The following BID variants were observed in gnomAD, a reference collection of about 807,000 sequenced individuals.
BID encodes BH3-interacting domain death agonist.
A neutral mutation model predicts 17.4 loss-of-function variants in BID; 19 were observed. The observed-to-expected ratio is 1.09, with a 90% confidence interval of 0.76 to 1.60. BID has a LOEUF of 1.60. Ranked by LOEUF, BID falls within the 40% of genes most tolerant of loss-of-function variation. The pLI, the probability that BID is intolerant of heterozygous loss-of-function variation, is 0.00. For synonymous variants in BID, 108 were observed against 102.8 expected (o/e 1.05, Z -0.31); for missense variants, 226 against 256.0 (o/e 0.88, Z 0.80).
At chr22:17,749,470 T>G (rs916946437) in intron 2 of BID, among the ~76,000 whole-genome samples, 1 of 152,226 alleles carries the variant, frequency 6.6e-6, no homozygotes, top group Non-Finnish European at 1.5e-5. Context: ...CTAAGCCACC[T>G]CGCCCAGCTA....
intron 1 of BID, among the ~76,000 whole-genome samples, chr22:17,760,919 C>A (rs982091796): frequency 6.6e-6 from 1 of 152,114 alleles, no homozygotes; most frequent in Non-Finnish European, 1.5e-5. Context: ...TGAAAATATC[C>A]TACACAGAGC....
intron 1 of BID, among the ~76,000 whole-genome samples, chr22:17,764,776 T>C (rs2061666586): frequency 6.6e-6 from 1 of 152,066 alleles, no homozygotes; most frequent in South Asian, 2.1e-4. Flanking sequence ...TCAAAACCAT[T>C]GAGGGTTGCT....
At chr22:17,755,313 G>A (rs1601860106) in intron 1 of BID, among the ~76,000 whole-genome samples, 1 of 152,092 alleles carries the variant, frequency 6.6e-6, no homozygotes, top group African/African-American at 2.4e-5. Flanking sequence ...AGCATGCTCC[G>A]TGCAGTGCCA....
rs928849703 is a variant in BID at position 17,734,775 on chromosome 22, C to T, written c.*805G>A. The T allele has an allele frequency of 3.3e-5, 5 of 152,182 alleles. No individual in the cohort carries two copies. Among genetic ancestry groups the T allele is most frequent in the Non-Finnish European group, 7.3e-5 (5 of 68,042 alleles). The allele number at this position is 152,182 out of a possible 1,614,324, so 9.4% of individuals were successfully genotyped here. A position where few individuals can be genotyped will look rare whatever the true frequency, so the allele number is the denominator to read the frequency against. ...GGGCATCGCAGTAGCTTCTGGCACC[C>T]GTGGCTTCATGTCTTTAGCAAAGTC... On this transcript the variant is annotated 3_prime_UTR_variant, in exon 6 of 6. Transcript: ENST00000622694.
At chr22:17,739,916 TGA>T in intron 3 of BID, 1 of 737,662 alleles carries the variant, frequency 1.4e-6, no homozygotes, top group Non-Finnish European at 2.2e-6. Context: ...CTCTCAAGCC[TGA>T]GAGCCCCCAT....
At chr22:17,764,480 A>C (rs1303314995) in intron 1 of BID, among the ~76,000 whole-genome samples, 1 of 152,234 alleles carries the variant, frequency 6.6e-6, no homozygotes, top group Admixed American at 6.5e-5. Flanking sequence ...AGAGGGAAAA[A>C]AGGTCAAGGT....
chr22:17,738,279 A>C, intron 4 of BID, 50 bp from the exon 5 acceptor site: 3 of 1,544,918 alleles, frequency 1.9e-6, no homozygotes, highest in Non-Finnish European at 2.7e-6. Context: ...CTTCCCTCTC[A>C]AAGGAAAGAC....
At position 17,745,689 on chromosome 22, in the gene BID, C is replaced by T. The variant is rs146834656; in HGVS notation, c.13-1676G>A. ...AAATGCTTAAAATAAGGAGCTTGGC[C>T]GGGCGCGGTGGCTCACGCCTGTAAT... On this transcript the variant is annotated intron_variant, in intron 2 of 5. Coordinates refer to ENST00000622694, the MANE Select transcript of BID (RefSeq NM_001196.4). 3.4e-4 allele frequency among the ~76,000 whole-genome samples: 52 copies of T among 151,796 alleles called. No homozygotes were observed. The East Asian group carries it at 7.4e-3, about 22-fold the overall frequency.
chr22:17,746,743 GAC>G (rs1363372383), intron 2 of BID, among the ~76,000 whole-genome samples: 1 of 152,202 alleles, frequency 6.6e-6, no homozygotes, highest in African/African-American at 2.4e-5. Flanking sequence ...TTTAAGCAGA[GAC>G]ACACAGAGAG....
intron 1 of BID, among the ~76,000 whole-genome samples, chr22:17,757,664 G>C (rs373949118): frequency 6.8e-6 from 1 of 147,452 alleles, no homozygotes. Context: ...AGCCAAGATA[G>C]CGCCACTGTA....
Position 17,774,369 on chromosome 22 carries a change from G to A in BID, c.-59+12C>T. ...TCGGCGCGTACCCCGGGAGGGGCGCGGGTGCACTCACCACCCTCCAGCCGC... is the reference window on the plus strand; with the variant it reads ...TCGGCGCGTACCCCGGGAGGGGCGCAGGTGCACTCACCACCCTCCAGCCGC... On this transcript the variant is annotated intron_variant, in intron 1 of 5. Coordinates refer to ENST00000622694, the MANE Select transcript of BID (RefSeq NM_001196.4). 2 of 187,658 alleles carry A rather than the reference G, an allele frequency of 1.1e-5. No individual in the cohort carries two copies. Among genetic ancestry groups the A allele is most frequent in the South Asian group, 1.4e-4 (2 of 14,424 alleles). The allele number at this position is 187,658 out of a possible 1,614,324, so 11.6% of individuals were successfully genotyped here. A position where few individuals can be genotyped will look rare whatever the true frequency, so the allele number is the denominator to read the frequency against.
intron 1 of BID, 21 bp from the exon 2 acceptor site, chr22:17,750,195 TG>T (rs760867161): frequency 6.2e-7 from 1 of 1,602,660 alleles, no homozygotes; most frequent in Non-Finnish European, 8.5e-7. Context: ...ACACACAGAG[TG>T]GGCGGCCGCT....
At chr22:17,751,303 C>T (rs1456125005) in intron 1 of BID, among the ~76,000 whole-genome samples, 1 of 150,590 alleles carries the variant, frequency 6.6e-6, no homozygotes, top group South Asian at 2.1e-4. Flanking sequence ...ACCCGGGAAG[C>T]GGAGCTTGCA....
rs181400 is a variant in BID at position 17,745,593 on chromosome 22, T to C, written c.13-1580A>G. Among the ~76,000 whole-genome samples, 1,322 of 152,016 alleles carry C rather than the reference T, an allele frequency of 8.7e-3. 6 individuals are homozygous for C. Among genetic ancestry groups the C allele is most frequent in the South Asian group, 0.014 (67 of 4,810 alleles). On this transcript the variant is annotated intron_variant, in intron 2 of 5. Transcript: ENST00000622694. ...TGAGCCCAGAAGTTTGAGGCTGCAATGAGCCATGATCACACCACTGCACTC... is the reference window on the plus strand; with the variant it reads ...TGAGCCCAGAAGTTTGAGGCTGCAACGAGCCATGATCACACCACTGCACTC...
At chr22:17,738,302 G>T in intron 4 of BID, 73 bp from the exon 5 acceptor site, 1 of 1,403,356 alleles carries the variant, frequency 7.1e-7, no homozygotes, top group Non-Finnish European at 9.9e-7. Flanking sequence ...TCCCCAGTAT[G>T]AAGAAGCACT....
intron 1 of BID, among the ~76,000 whole-genome samples, chr22:17,770,664 G>A (rs918865560): frequency 2.0e-5 from 3 of 152,250 alleles, no homozygotes; most frequent in African/African-American, 7.2e-5. Context: ...GACGGCGGCG[G>A]GGAGGTTCAG....
intron 1 of BID, among the ~76,000 whole-genome samples, chr22:17,758,639 A>ATTC (rs1190324365): frequency 6.6e-6 from 1 of 152,238 alleles, no homozygotes; most frequent in African/African-American, 2.4e-5. Flanking sequence ...TGGGCGAACT[A>ATTC]GGCCAGTCAT....
At chr22:17,740,229 C>A in intron 3 of BID, 1 of 1,513,440 alleles carries the variant, frequency 6.6e-7, no homozygotes, top group South Asian at 1.2e-5. Flanking sequence ...CTGTTTTGTC[C>A]ACTGACAAAT....
At chr22:17,760,451 C>CAAAAAAAAAA (rs55817445) in intron 1 of BID, among the ~76,000 whole-genome samples, 1 of 30,766 alleles carries the variant, frequency 3.3e-5, no homozygotes, top group Non-Finnish European at 8.6e-5. Flanking sequence ...GACTCTGTCT[C>CAAAAAAAAAA]AAAAAAAAAA....
Sources: gnomAD v4.1 joint callset for allele counts (sites outside exome capture counted in the v4.1 genomes callset) on GRCh38, gnomAD v4.1.1 for gene constraint, MANE v1.5 for transcripts, NCBI Gene and HGNC (gene_info 2026-07-23, HGNC 2026-07-21) for gene names.